SLC47A2: variants seen among roughly 807,000 people sequenced by gnomAD.
SLC47A2 encodes the protein solute carrier family 47 member 2.
In SLC47A2, 52 loss-of-function variants were observed where a neutral mutation model predicts 67.7. The observed-to-expected ratio is 0.77, with a 90% confidence interval of 0.61 to 0.97. SLC47A2 has a LOEUF of 0.97. SLC47A2 is among the 50% of genes least tolerant of loss of function. SLC47A2 has a pLI of 0.00. For missense variants in SLC47A2, 676 were observed against 712.3 expected (o/e 0.95, Z 0.58); for synonymous variants, 278 against 292.9 (o/e 0.95, Z 0.52).
chr17:19,697,782 A>G (rs1258341739), intron 13 of SLC47A2, among the ~76,000 whole-genome samples: 1 of 148,734 alleles, frequency 6.7e-6, no homozygotes, highest in Non-Finnish European at 1.5e-5. Context: ...TTTTGTAGAG[A>G]TGGTATCTTG....
At chr17:19,686,677 G>A (rs2085436993) in intron 13 of SLC47A2, among the ~76,000 whole-genome samples, 1 of 152,122 alleles carries the variant, frequency 6.6e-6, no homozygotes, top group African/African-American at 2.4e-5. Flanking sequence ...TAGATTTCAA[G>A]ACCAAAACTG....
At position 19,704,272 on chromosome 17, in the gene SLC47A2, A is replaced by T. The variant is rs373362300; in HGVS notation, c.910-94T>A. 6.8e-5 allele frequency: 66 copies of T among 976,058 alleles called. No individual in the cohort carries two copies. In the East Asian group the frequency reaches 9.6e-4, roughly 14 times the overall value. 60.5% of individuals were successfully genotyped at this position (976,058 alleles called of 1,614,324 possible). A position where few individuals can be genotyped will look rare whatever the true frequency, so the allele number is the denominator to read the frequency against. ...TGGGCCAAGAGGGACGTGAGCGGGA[A>T]GGCAGAGCAGATCTCAGGCATGCAG... On this transcript the variant is annotated intron_variant, in intron 10 of 16. Transcript: ENST00000433844.
At chr17:19,681,199 T>C (rs139661773) in intron 15 of SLC47A2, among the ~76,000 whole-genome samples, 168 bp downstream of exon 15, 3,331 of 151,166 alleles carry the variant, frequency 0.022, 71 homozygotes, top group African/African-American at 0.052. Flanking sequence ...GGCGACAGAG[T>C]GAGACTCCAT....
chr17:19,697,240 G>A (rs1202769477), intron 13 of SLC47A2, among the ~76,000 whole-genome samples: 1 of 152,208 alleles, frequency 6.6e-6, no homozygotes, highest in Non-Finnish European at 1.5e-5. Flanking sequence ...GGAGCTTGCA[G>A]TGAGCTGAGA....
intron 5 of SLC47A2, among the ~76,000 whole-genome samples, 183 bp downstream of exon 5, chr17:19,712,520 T>A (rs2086128282): frequency 1.3e-5 from 2 of 152,220 alleles, no homozygotes; most frequent in South Asian, 4.1e-4. Context: ...CAGAAAAACA[T>A]GTTATACTAT....
intron 13 of SLC47A2, among the ~76,000 whole-genome samples, chr17:19,700,289 G>A (rs972908349): frequency 7.9e-5 from 12 of 152,074 alleles, no homozygotes; most frequent in Non-Finnish European, 1.2e-4. Flanking sequence ...TAAAAATAAG[G>A]CTCATGGAAA....
At chr17:19,683,332 AAG>A (rs1567615321) in intron 13 of SLC47A2, among the ~76,000 whole-genome samples, 1 of 152,182 alleles carries the variant, frequency 6.6e-6, no homozygotes, top group South Asian at 2.1e-4. Flanking sequence ...CCACCAAACA[AAG>A]AGTTATCTGG....
At chr17:19,689,643 G>C (rs897206566) in intron 13 of SLC47A2, among the ~76,000 whole-genome samples, 1 of 150,992 alleles carries the variant, frequency 6.6e-6, no homozygotes, top group Non-Finnish European at 1.5e-5. Flanking sequence ...GCTGCAGTAA[G>C]CCATGATCAT....
intron 15 of SLC47A2, 69 bp downstream of exon 15, chr17:19,681,298 G>T: frequency 7.6e-7 from 1 of 1,310,262 alleles, no homozygotes; most frequent in Non-Finnish European, 1.1e-6. Flanking sequence ...ATTTCTGGCT[G>T]AGTAGTCACT....
At chr17:19,712,374 A>C (rs1597641182) in intron 5 of SLC47A2, among the ~76,000 whole-genome samples, 1 of 152,166 alleles carries the variant, frequency 6.6e-6, no homozygotes, top group East Asian at 1.9e-4. Flanking sequence ...GTGACAGAGC[A>C]AGACTCCATC....
In SLC47A2 at chr17:19,713,821, GC is replaced by G; in HGVS notation, c.443+3del. The G allele has an allele frequency of 6.2e-7, 1 of 1,606,798 alleles. No individual in the cohort carries two copies. The highest frequency in any genetic ancestry group is 8.5e-7 in the Non-Finnish European group (1 of 1,175,972). On this transcript the variant is annotated splice_donor_region_variant and intron_variant, in intron 4 of 16. Coordinates refer to ENST00000433844, the MANE Select transcript of SLC47A2 (RefSeq NM_001099646.3). The stretch of plus-strand genomic sequence containing the variant: ...CCCACCTCCCCAGCCGGAGCCCAGC[GC>G]ACCTGGACACGTCCGGGTCCTGCCG...
At position 19,685,710 on chromosome 17, in the gene SLC47A2, C is replaced by G. The variant is rs1052116070; in HGVS notation, c.1165-4040G>C. On this transcript the variant is annotated intron_variant, in intron 13 of 16. Coordinates refer to ENST00000433844, the MANE Select transcript of SLC47A2 (RefSeq NM_001099646.3). This position sits in a 1 kb window ranked among gnomAD's most constrained non-coding sequence, Gnocchi z 4.5. ...CCTAGGAAAACCAGAGACCTTTGTT[C>G]TGGTGTTTATCTGCTGGCCTTCTCT... is the stretch of plus-strand genomic sequence containing the variant. Among the ~76,000 whole-genome samples the G allele has an allele frequency of 1.3e-5, 2 of 152,184 alleles. No homozygotes were observed. The highest frequency in any genetic ancestry group is 2.9e-5 in the Non-Finnish European group (2 of 68,048).
chr17:19,713,823 A>G lies in SLC47A2; in HGVS notation c.443+2T>C, dbSNP rs757038592. 6.2e-7 allele frequency: 1 copy of G among 1,610,258 alleles called. No individual in the cohort carries two copies. The highest frequency in any genetic ancestry group is 1.7e-5 in the Admixed American group (1 of 59,910). On this transcript the variant is annotated splice_donor_variant, in intron 4 of 16. Transcript: ENST00000433844. LOFTEE classifies it high-confidence loss of function. Reference sequence around the variant, plus strand: ...CACCTCCCCAGCCGGAGCCCAGCGCACCTGGACACGTCCGGGTCCTGCCGG... The same window carrying G: ...CACCTCCCCAGCCGGAGCCCAGCGCGCCTGGACACGTCCGGGTCCTGCCGG...
At chr17:19,716,368 G>T (rs919922507) in intron 1 of SLC47A2, 65 bp downstream of exon 1, 8 of 1,527,692 alleles carry the variant, frequency 5.2e-6, no homozygotes, top group Middle Eastern at 3.5e-4. Context: ...CTGCCTGCAA[G>T]GCAGACACCC....
intron 13 of SLC47A2, among the ~76,000 whole-genome samples, chr17:19,684,094 T>A (rs923008564): frequency 6.6e-6 from 1 of 152,144 alleles, no homozygotes; most frequent in Admixed American, 6.5e-5. Context: ...CAATCTTTTT[T>A]AAGAGATGGA....
intron 13 of SLC47A2, 89 bp downstream of exon 13, chr17:19,702,516 A>C (rs1597619016): frequency 6.4e-7 from 1 of 1,571,670 alleles, no homozygotes; most frequent in East Asian, 2.3e-5. Context: ...TAACAAGTTC[A>C]TCCTCACAGC....
At chr17:19,682,123 T>C (rs748345376) in intron 13 of SLC47A2, among the ~76,000 whole-genome samples, 2 of 152,122 alleles carry the variant, frequency 1.3e-5, no homozygotes, top group African/African-American at 4.8e-5. Flanking sequence ...CCCAGCACTT[T>C]AGGAGGCTGA....
chr17:19,687,019 A>C (rs2085443907), intron 13 of SLC47A2, among the ~76,000 whole-genome samples: 1 of 152,200 alleles, frequency 6.6e-6, no homozygotes, highest in Admixed American at 6.5e-5. Flanking sequence ...CATATGGATC[A>C]TTCTCAAGGA....
chr17:19,700,934 G>A (rs905093073), intron 13 of SLC47A2, among the ~76,000 whole-genome samples: 9 of 151,728 alleles, frequency 5.9e-5, no homozygotes, highest in African/African-American at 1.2e-4. Context: ...TTGGGAAGCC[G>A]AGGCGGGTGG....
Sources: allele counts gnomAD v4.1 joint callset (sites outside exome capture counted in the v4.1 genomes callset), GRCh38; gene constraint gnomAD v4.1.1; non-coding constraint Gnocchi (gnomAD v3.1); transcripts MANE v1.5; gene names NCBI Gene and HGNC (gene_info 2026-07-23, HGNC 2026-07-21).